UBE2F: variants seen among roughly 807,000 people sequenced by gnomAD.
UBE2F encodes the protein NEDD8-conjugating enzyme UBE2F.
Under a neutral mutation model 29.6 loss-of-function variants are expected in UBE2F, and 5 were observed. The observed-to-expected ratio is 0.17, with a 90% confidence interval of 0.09 to 0.36. The LOEUF (loss-of-function observed/expected upper bound fraction) is 0.36. Ranked by LOEUF, UBE2F falls within the 10% of genes least tolerant of loss-of-function variation. UBE2F has a pLI of 1.00. For missense variants in UBE2F, 141 were observed against 228.5 expected (o/e 0.62, Z 2.47); for synonymous variants, 66 against 81.8 (o/e 0.81, Z 1.04).
intron 1 of UBE2F, among the ~76,000 whole-genome samples, chr2:237,972,009 A>G (rs2063185792): frequency 6.6e-6 from 1 of 152,254 alleles, no homozygotes; most frequent in Admixed American, 6.5e-5. Flanking sequence ...AGCAAGGGGC[A>G]TCACCTGTGT....
At chr2:238,010,362 C>T (rs530043181) in intron 4 of UBE2F, among the ~76,000 whole-genome samples, 3 of 152,158 alleles carry the variant, frequency 2.0e-5, no homozygotes, top group African/African-American at 7.2e-5. Flanking sequence ...TTAGTATAGA[C>T]GGGTTTCACC....
intron 4 of UBE2F, among the ~76,000 whole-genome samples, chr2:237,996,949 C>T (rs1391331043): frequency 2.6e-5 from 4 of 152,050 alleles, no homozygotes; most frequent in East Asian, 1.9e-4. Flanking sequence ...TGGCTGGGCC[C>T]GGTGGCTCAT....
At chr2:238,014,132 G>A (rs2064102153) in intron 4 of UBE2F, among the ~76,000 whole-genome samples, 1 of 152,234 alleles carries the variant, frequency 6.6e-6, no homozygotes, top group Non-Finnish European at 1.5e-5. Context: ...GGGACATCGT[G>A]AAGGAAACCT....
Position 238,041,415 on chromosome 2 carries a change from C to A in UBE2F, c.*77C>A. On this transcript the variant is annotated 3_prime_UTR_variant, in exon 10 of 10. Transcript: ENST00000272930. ...ATGAAACAGCAAGAGGTAGCCCCCT[C>A]TCCCGTCCTCATGCTCCCTCTCAGT... 1 of 1,496,828 alleles carries A rather than the reference C, an allele frequency of 6.7e-7. No individual in the cohort carries two copies. The highest frequency in any genetic ancestry group is 9.3e-7 in the Non-Finnish European group (1 of 1,077,004). The allele number at this position is 1,496,828 out of a possible 1,614,324, so 92.7% of individuals were successfully genotyped here.
At position 238,041,945 on chromosome 2, in the gene UBE2F, AATT is replaced by A. The variant is rs2064843214; in HGVS notation, c.*611_*613del. The A allele has an allele frequency of 6.5e-6, 1 of 152,688 alleles. No homozygotes were observed. Among genetic ancestry groups the A allele is most frequent in the Non-Finnish European group, 1.5e-5 (1 of 68,064 alleles). 9.5% of individuals were successfully genotyped at this position (152,688 alleles called of 1,614,324 possible). ...TGTAATTTGTACAATTCAATGCTTT[AATT>A]ATTTTTTCTATTCTCATTTAGTTTG... On this transcript the variant is annotated 3_prime_UTR_variant, in exon 10 of 10. Coordinates refer to ENST00000272930, the MANE Select transcript of UBE2F (RefSeq NM_080678.3).
At chr2:238,031,200 G>A (rs1211160778) in intron 7 of UBE2F, among the ~76,000 whole-genome samples, 3 of 152,196 alleles carry the variant, frequency 2.0e-5, no homozygotes, top group Non-Finnish European at 4.4e-5. Flanking sequence ...CTCTCCCCAC[G>A]CTCTAGAAAT....
chr2:238,036,613 T>C (rs2064715125), intron 9 of UBE2F, among the ~76,000 whole-genome samples: 1 of 152,172 alleles, frequency 6.6e-6, no homozygotes, highest in Non-Finnish European at 1.5e-5. Context: ...TGTGGGCAGA[T>C]TGCTTGAGCT....
At chr2:238,017,328 G>T (rs778575421) in intron 5 of UBE2F, among the ~76,000 whole-genome samples, 1 of 152,186 alleles carries the variant, frequency 6.6e-6, no homozygotes, top group African/African-American at 2.4e-5. Context: ...GAGTCACCCC[G>T]ATGTGGCCCA....
intron 8 of UBE2F, 169 bp from the exon 9 acceptor site, chr2:238,035,709 G>A: frequency 1.8e-6 from 1 of 569,306 alleles, no homozygotes; most frequent in Non-Finnish European, 3.1e-6. Context: ...ATACCCACAT[G>A]TTCGATATTT....
intron 7 of UBE2F, 134 bp from the exon 8 acceptor site, chr2:238,032,088 T>C: frequency 1.5e-6 from 1 of 670,610 alleles, no homozygotes; most frequent in Non-Finnish European, 2.6e-6. Context: ...TATTTTAATT[T>C]TCTATCTTGA....
rs187230673 is a variant in UBE2F, at chr2:237,989,077, A to G, written c.148+1085A>G. Among the ~76,000 whole-genome samples, 22 of 152,306 alleles carry G rather than the reference A, an allele frequency of 1.4e-4. No homozygotes were observed. The East Asian group carries it at 3.1e-3, about 21-fold the overall frequency. ...GCCTGAAAGCTTTGATCATTTTAGT[A>G]TTTTTTGAATTACAACTTTTTATCA... On this transcript the variant is annotated intron_variant, in intron 3 of 9. Transcript: ENST00000272930.
At chr2:237,992,220 C>A (rs1037466158) in intron 3 of UBE2F, among the ~76,000 whole-genome samples, 3 of 152,154 alleles carry the variant, frequency 2.0e-5, no homozygotes, top group Non-Finnish European at 2.9e-5. Context: ...ATTTCCGCAT[C>A]TGTCTATTAA....
At chr2:238,019,264 C>T (rs1481465369) in intron 5 of UBE2F, among the ~76,000 whole-genome samples, 1 of 152,164 alleles carries the variant, frequency 6.6e-6, no homozygotes, top group African/African-American at 2.4e-5. Context: ...GAATAAAACC[C>T]CATGTTCTCA....
chr2:238,031,149 GTC>G (rs906516277), intron 7 of UBE2F, among the ~76,000 whole-genome samples: 3 of 152,348 alleles, frequency 2.0e-5, no homozygotes, highest in East Asian at 1.9e-4. Context: ...CCGAGCTGTA[GTC>G]TCTGCCACCA....
At position 237,985,339 on chromosome 2, in the gene UBE2F, C is replaced by T. The variant is rs189107259; in HGVS notation, c.119-2624C>T. ...TCTCTAGACTTATTCATCCTATATG[C>T]CTGTAACTTTGTATCCCCCCATTCT... On this transcript the variant is annotated intron_variant, in intron 2 of 9. Coordinates refer to ENST00000272930, the MANE Select transcript of UBE2F (RefSeq NM_080678.3). Among the ~76,000 whole-genome samples, 181 of 152,220 alleles carry T rather than the reference C, an allele frequency of 1.2e-3. 1 individual carries two copies. The highest frequency in any genetic ancestry group is 9.7e-3 in the Admixed American group (149 of 15,284).
At chr2:237,983,267 C>T (rs2063414374) in intron 2 of UBE2F, among the ~76,000 whole-genome samples, 1 of 152,226 alleles carries the variant, frequency 6.6e-6, no homozygotes. Flanking sequence ...TCCTCTTCTC[C>T]CCACACTCAG....
intron 4 of UBE2F, 126 bp downstream of exon 4, chr2:237,994,935 A>G (rs938494972): frequency 2.8e-6 from 2 of 703,052 alleles, no homozygotes; most frequent in Non-Finnish European, 4.9e-6. Context: ...TAACAATTTC[A>G]TATGAAGATA....
chr2:238,000,057 C>G (rs1207349241), intron 4 of UBE2F, among the ~76,000 whole-genome samples: 2 of 152,036 alleles, frequency 1.3e-5, no homozygotes, highest in Admixed American at 6.6e-5. Context: ...CTCCTGACCT[C>G]GTGATCCACC....
intron 6 of UBE2F, 80 bp from the exon 7 acceptor site, chr2:238,030,476 C>T: frequency 1.0e-6 from 1 of 965,014 alleles, no homozygotes; most frequent in Non-Finnish European, 1.7e-6. Context: ...CTGCATGGCA[C>T]ACACCGAGAG....
Sources: allele counts gnomAD v4.1 joint callset (sites outside exome capture counted in the v4.1 genomes callset), GRCh38; gene constraint gnomAD v4.1.1; transcripts MANE v1.5; gene names NCBI Gene and HGNC (gene_info 2026-07-23, HGNC 2026-07-21).